The following SPAG16 variants were observed in gnomAD, a reference collection of about 807,000 sequenced individuals.
SPAG16 encodes sperm associated antigen 16, also known as sperm-associated antigen 16 protein.
A neutral mutation model predicts 80.4 loss-of-function variants in SPAG16; 86 were observed. That is an observed-to-expected ratio of 1.07 (90% CI 0.90 to 1.28). The LOEUF is 1.28. SPAG16 is among the 50% of genes most tolerant of loss of function. The pLI is 0.00. For synonymous variants in SPAG16, 294 were observed against 265.9 expected, an observed-to-expected ratio of 1.11 and a Z score of -1.03; for missense variants, 870 against 765.3, an observed-to-expected ratio of 1.14 and a Z score of -1.61.
chr2:214,365,457 T>C (rs1311579253), intron 15 of SPAG16, among the ~76,000 whole-genome samples: 6 of 152,158 alleles, frequency 3.9e-5, no homozygotes, highest in African/African-American at 1.4e-4. Flanking sequence ...AAAGTACCAC[T>C]ACCAGTGAAG....
chr2:213,623,867 T>C (rs1287082706), intron 10 of SPAG16, among the ~76,000 whole-genome samples: 1 of 152,050 alleles, frequency 6.6e-6, no homozygotes, highest in Non-Finnish European at 1.5e-5. Flanking sequence ...ACAATAAATA[T>C]ACTCTTAAAG....
At position 213,869,646 on chromosome 2, in the gene SPAG16, G is replaced by GT. The variant is rs3046049; in HGVS notation, c.1214+7033dup. 3.2e-3 allele frequency among the ~76,000 whole-genome samples: 298 copies of GT among 92,036 alleles called. 3 individuals carry two copies. Among genetic ancestry groups the GT allele is most frequent in the Middle Eastern group, 0.011 (2 of 190 alleles). The allele number at this position is 92,036 out of a possible 152,430, so 60.4% of individuals were successfully genotyped here. On this transcript the variant is annotated intron_variant, in intron 11 of 15. Coordinates refer to ENST00000331683, the MANE Select transcript of SPAG16 (RefSeq NM_024532.5). ...AAATAACAGCATACTGCTTTGAGTA[G>GT]TTTTTTTTTTTTTTTGTCTAATTCC...
At chr2:213,522,857 T>G (rs748255456) in intron 10 of SPAG16, among the ~76,000 whole-genome samples, 3 of 148,836 alleles carry the variant, frequency 2.0e-5, no homozygotes, top group Non-Finnish European at 3.0e-5. Flanking sequence ...ATAAAAAAAC[T>G]AATATATATA....
chr2:213,991,884 T>TTTATTTATTTAC (rs1553689451), intron 12 of SPAG16, among the ~76,000 whole-genome samples: 90 of 151,388 alleles, frequency 5.9e-4, no homozygotes, highest in African/African-American at 2.0e-3. Context: ...TATTTATTTA[T>TTTATTTATTTAC]TTATTTATTC....
intron 13 of SPAG16, 109 bp downstream of exon 13, chr2:214,014,186 G>T (rs917480749): frequency 1.5e-6 from 2 of 1,368,356 alleles, no homozygotes; most frequent in African/African-American, 2.9e-5. Flanking sequence ...AGGGCATTCA[G>T]GGCAAAAGAA....
chr2:213,681,642 C>T (rs2125261688), intron 10 of SPAG16, among the ~76,000 whole-genome samples: 1 of 152,242 alleles, frequency 6.6e-6, no homozygotes, highest in Admixed American at 6.5e-5. Flanking sequence ...CATAACAAAA[C>T]ATGGCTAAAT....
chr2:213,559,364 C>T (rs1178631859), intron 10 of SPAG16, among the ~76,000 whole-genome samples: 3 of 152,202 alleles, frequency 2.0e-5, no homozygotes, highest in African/African-American at 7.2e-5. Flanking sequence ...CAATTATTGT[C>T]ACGAGCATCA....
At chr2:214,096,427 C>A (rs2052595445) in intron 13 of SPAG16, among the ~76,000 whole-genome samples, 1 of 151,932 alleles carries the variant, frequency 6.6e-6, no homozygotes, top group Admixed American at 6.6e-5. Flanking sequence ...AAGGAATCCC[C>A]AGAGGGTTTG....
At chr2:214,145,676 C>T (rs1307816361) in intron 14 of SPAG16, among the ~76,000 whole-genome samples, 1 of 152,176 alleles carries the variant, frequency 6.6e-6, no homozygotes, top group Non-Finnish European at 1.5e-5. Flanking sequence ...TTCATCTCAG[C>T]TGTACCCTTT....
chr2:213,350,362 T>C (rs1044392849), intron 6 of SPAG16, among the ~76,000 whole-genome samples, 166 bp from the exon 7 acceptor site: 1 of 152,204 alleles, frequency 6.6e-6, no homozygotes, highest in Non-Finnish European at 1.5e-5. Flanking sequence ...TGCAGTGAAG[T>C]TGTATGCTTT....
At chr2:214,141,606 A>G (rs1180540291) in intron 14 of SPAG16, among the ~76,000 whole-genome samples, 1 of 152,236 alleles carries the variant, frequency 6.6e-6, no homozygotes, top group Non-Finnish European at 1.5e-5. Flanking sequence ...TAAGATATTT[A>G]AACATTTGTA....
intron 9 of SPAG16, among the ~76,000 whole-genome samples, chr2:213,381,082 T>TTG (rs1553642336): frequency 6.6e-6 from 1 of 151,916 alleles, no homozygotes; most frequent in East Asian, 1.9e-4. Flanking sequence ...TCCACTGGGC[T>TTG]TACCGTAAAA....
chr2:213,994,700 C>T (rs1010915273), intron 12 of SPAG16, among the ~76,000 whole-genome samples: 1 of 151,176 alleles, frequency 6.6e-6, no homozygotes, highest in Non-Finnish European at 1.5e-5. Flanking sequence ...GGTTAAATAC[C>T]ATCTATTCTG....
intron 15 of SPAG16, among the ~76,000 whole-genome samples, chr2:214,248,271 G>T (rs1050457735): frequency 6.8e-6 from 1 of 147,998 alleles, no homozygotes; most frequent in African/African-American, 2.5e-5. Context: ...CCTGCTATGT[G>T]CTGGGTACTA....
chr2:214,202,477 G>A (rs2058036821), intron 15 of SPAG16, among the ~76,000 whole-genome samples: 1 of 152,134 alleles, frequency 6.6e-6, no homozygotes, highest in Non-Finnish European at 1.5e-5. Flanking sequence ...TTAATACTAG[G>A]AAAGGCCTTG....
At chr2:213,507,215 C>G (rs2075002949) in intron 10 of SPAG16, among the ~76,000 whole-genome samples, 2 of 152,074 alleles carry the variant, frequency 1.3e-5, no homozygotes, top group African/African-American at 4.8e-5. Context: ...GTATTATTAC[C>G]AGAAAGAAAG....
chr2:213,897,141 T>G (rs530223811), intron 11 of SPAG16, among the ~76,000 whole-genome samples: 1 of 152,122 alleles, frequency 6.6e-6, no homozygotes, highest in South Asian at 2.1e-4. Flanking sequence ...TGATTTGATC[T>G]TTACCAATTA....
chr2:214,161,585 G>T (rs761501914), intron 15 of SPAG16, among the ~76,000 whole-genome samples: 4 of 152,022 alleles, frequency 2.6e-5, no homozygotes, highest in Non-Finnish European at 5.9e-5. Flanking sequence ...ATGTTTGTTG[G>T]TGGCATGACT....
At chr2:214,328,647 A>T (rs1181265414) in intron 15 of SPAG16, among the ~76,000 whole-genome samples, 2 of 152,216 alleles carry the variant, frequency 1.3e-5, no homozygotes, top group Middle Eastern at 3.2e-3. Flanking sequence ...TCTATCTTTA[A>T]ATCTATTATT....
Sources: allele counts gnomAD v4.1 joint callset (sites outside exome capture counted in the v4.1 genomes callset), GRCh38; gene constraint gnomAD v4.1.1; transcripts MANE v1.5; gene names NCBI Gene and HGNC (gene_info 2026-07-23, HGNC 2026-07-21).